The following KCTD1 variants were observed in gnomAD, a reference collection of about 807,000 sequenced individuals.
KCTD1 encodes potassium channel tetramerization domain containing 1, also known as BTB/POZ domain-containing protein KCTD1.
Under a neutral mutation model 66.0 loss-of-function variants are expected in KCTD1, and 24 were observed. The observed-to-expected ratio is 0.36, with a 90% CI of 0.26 to 0.51. KCTD1 has a LOEUF of 0.51. KCTD1 is among the 20% of genes least tolerant of loss of function. The pLI is 0.95. For synonymous variants in KCTD1, 511 were observed against 517.2 expected, an observed-to-expected ratio of 0.99 and a Z score of 0.16; for missense variants, 943 against 1,205.2, an observed-to-expected ratio of 0.78 and a Z score of 3.22.
chr18:26,539,552 A>G (rs1195124510), intron 1 of KCTD1, among the ~76,000 whole-genome samples: 3 of 152,208 alleles, frequency 2.0e-5, no homozygotes, highest in African/African-American at 7.2e-5. Flanking sequence ...AACCAGTTAG[A>G]GATTGTGACA....
At chr18:26,564,286 C>T (rs1452688630) in intron 1 of KCTD1, among the ~76,000 whole-genome samples, 3 of 152,140 alleles carry the variant, frequency 2.0e-5, no homozygotes, top group Non-Finnish European at 4.4e-5. Flanking sequence ...GTCACTTTTC[C>T]AGTCAAATTC....
chr18:26,625,245 G>T (rs1043829266), intron 1 of KCTD1, among the ~76,000 whole-genome samples: 1 of 152,144 alleles, frequency 6.6e-6, no homozygotes, highest in Non-Finnish European at 1.5e-5. Flanking sequence ...GGAAAGGCAC[G>T]ATTGTGTTTT....
chr18:26,506,765 AG>A (rs548475489), intron 1 of KCTD1, among the ~76,000 whole-genome samples: 23 of 152,366 alleles, frequency 1.5e-4, no homozygotes, highest in Admixed American at 7.8e-4. Flanking sequence ...TCTGCAGTAC[AG>A]GAGATGCTCT....
At chr18:26,521,439 AT>A (rs778632993) in intron 1 of KCTD1, among the ~76,000 whole-genome samples, 4 of 152,208 alleles carry the variant, frequency 2.6e-5, no homozygotes, top group Non-Finnish European at 4.4e-5. Flanking sequence ...CTTAAAAAAA[AT>A]ATTCCCTAAG....
At chr18:26,469,226 G>GGT (rs1980918384) in intron 3 of KCTD1, among the ~76,000 whole-genome samples, 1 of 151,954 alleles carries the variant, frequency 6.6e-6, no homozygotes, top group Non-Finnish European at 1.5e-5. Context: ...CCAATTAAAG[G>GGT]GTGTGTTTGG....
At chr18:26,601,618 T>C (rs1474611627) in intron 1 of KCTD1, among the ~76,000 whole-genome samples, 1 of 152,234 alleles carries the variant, frequency 6.6e-6, no homozygotes, top group East Asian at 1.9e-4. Context: ...CACTGCCATC[T>C]TAACAATACT....
chr18:26,558,187 C>G (rs4800740), intron 1 of KCTD1, among the ~76,000 whole-genome samples: 3,399 of 152,338 alleles, frequency 0.022, 63 homozygotes, highest in Non-Finnish European at 0.033. Flanking sequence ...AAATGGCAAA[C>G]AGGCACATGA....
At chr18:26,611,179 G>A (rs1465524119) in intron 1 of KCTD1, among the ~76,000 whole-genome samples, 2 of 151,990 alleles carry the variant, frequency 1.3e-5, no homozygotes, top group Non-Finnish European at 2.9e-5. Flanking sequence ...GATGGTGTCT[G>A]TTGCTATGTC....
chr18:26,474,925 T>C (rs1234093537), intron 3 of KCTD1, among the ~76,000 whole-genome samples: 6 of 152,220 alleles, frequency 3.9e-5, no homozygotes, highest in African/African-American at 1.4e-4. Flanking sequence ...GAATTTATGA[T>C]GTAGGATAGG....
chr18:26,639,601 T>A (rs1445366258), intron 1 of KCTD1, among the ~76,000 whole-genome samples: 5 of 152,192 alleles, frequency 3.3e-5, no homozygotes, highest in Non-Finnish European at 5.9e-5. Context: ...ATAAACATTA[T>A]CAATAACATT....
intron 1 of KCTD1, among the ~76,000 whole-genome samples, chr18:26,518,991 C>T (rs1983792508): frequency 6.6e-6 from 1 of 152,172 alleles, no homozygotes; most frequent in Non-Finnish European, 1.5e-5. Context: ...ATCTTTTCTG[C>T]TGAGGGATAA....
chr18:26,573,547 G>A (rs941293735), intron 1 of KCTD1, among the ~76,000 whole-genome samples: 3 of 152,208 alleles, frequency 2.0e-5, no homozygotes, highest in Non-Finnish European at 2.9e-5. Context: ...GCCGGAAGAC[G>A]TGATAAGGTG....
At position 26,459,738 on chromosome 18, in the gene KCTD1, T is replaced by A. The variant is rs747463897; in HGVS notation, c.2321A>T (p.Glu774Val). 8.1e-6 allele frequency: 13 copies of A among 1,614,120 alleles called. No individual in the cohort carries two copies. In the Admixed American group the frequency reaches 2.0e-4, roughly 25 times the overall value. Residue 774 changes from glutamate to valine, a missense_variant, in exon 4 of 5, where the codon GAA (glutamate) becomes GTA (valine). This residue lies in a region of KCTD1 where 162 missense variants were observed against 232.4 expected (regional missense o/e 0.70). Coordinates refer to ENST00000580059, the MANE Select transcript of KCTD1 (RefSeq NM_001142730.3). ...TLSGDKSLIEEVFPEIGDVMC... is the reference protein window; with the variant it reads ...TLSGDKSLIEVVFPEIGDVMC... ...CACGTCGCCGATCTCTGGAAATACTTCTTCTATCAAGGATTTGTCACCGCT... is the reference window on the plus strand; with the variant it reads ...CACGTCGCCGATCTCTGGAAATACTACTTCTATCAAGGATTTGTCACCGCT...
At chr18:26,525,824 T>C (rs1308708517) in intron 1 of KCTD1, among the ~76,000 whole-genome samples, 1 of 152,220 alleles carries the variant, frequency 6.6e-6, no homozygotes, top group African/African-American at 2.4e-5. Flanking sequence ...TGGGCTCATA[T>C]GATCCTCCCG....
upstream of KCTD1, among the ~76,000 whole-genome samples, chr18:26,553,425 A>G (rs1454196702): frequency 6.6e-6 from 1 of 152,164 alleles, no homozygotes; most frequent in Admixed American, 6.6e-5. Flanking sequence ...TTCATTTCCA[A>G]TTCAGTTTCT....
Position 26,618,903 on chromosome 18 carries a change from A to G in KCTD1, c.-16+10244T>C, listed in dbSNP as rs562936468. Among the ~76,000 whole-genome samples the G allele has an allele frequency of 1.2e-4, 18 of 152,356 alleles. 1 individual carries two copies. The highest frequency in any genetic ancestry group is 3.4e-3 in the Middle Eastern group (1 of 294). ...ACAAACTGCAGAAATCATCTGTCCC[A>G]GTGTTTCTGTAAGAATAAGTAGTTG... On this transcript the variant is annotated intron_variant, in intron 1 of 4. Transcript: ENST00000317932.
chr18:26,576,456 G>A (rs1986227726), intron 1 of KCTD1, among the ~76,000 whole-genome samples: 1 of 152,122 alleles, frequency 6.6e-6, no homozygotes, highest in African/African-American at 2.4e-5. Context: ...ACATTTGAAT[G>A]TACTGTTGCC....
intron 1 of KCTD1, chr18:26,565,849 A>G (rs1985968976): frequency 6.6e-6 from 1 of 152,122 alleles, no homozygotes; most frequent in Admixed American, 6.6e-5. Flanking sequence ...CTAAGTATAC[A>G]GATCATTGTT....
chr18:26,618,538 A>G (rs555298649), intron 1 of KCTD1, among the ~76,000 whole-genome samples: 5 of 152,214 alleles, frequency 3.3e-5, no homozygotes, highest in Non-Finnish European at 7.3e-5. Flanking sequence ...TCAGACACCC[A>G]GATCCTGTGA....
Sources: allele counts gnomAD v4.1 joint callset (sites outside exome capture counted in the v4.1 genomes callset), GRCh38; gene constraint gnomAD v4.1.1; regional missense constraint gnomAD v4.1.1; transcripts MANE v1.5; gene names NCBI Gene and HGNC (gene_info 2026-07-23, HGNC 2026-07-21).